RAB3IP: variants seen among roughly 807,000 people sequenced by gnomAD.
RAB3IP encodes the protein rab-3A-interacting protein.
A neutral mutation model predicts 59.1 loss-of-function variants in RAB3IP; 36 were observed. The observed-to-expected ratio is 0.61, with a 90% CI of 0.47 to 0.80. The LOEUF is 0.80. Ranked by LOEUF, RAB3IP falls within the 30% of genes least tolerant of loss-of-function variation. The pLI, the probability that RAB3IP is intolerant of heterozygous loss-of-function variation, is 0.00. For synonymous variants in RAB3IP, 207 were observed against 191.2 expected, an observed-to-expected ratio of 1.08 and a Z score of -0.68; for missense variants, 511 against 536.0, an observed-to-expected ratio of 0.95 and a Z score of 0.46.
chr12:69,738,648 G>A (rs993733101), upstream of RAB3IP: 2 of 151,846 alleles, frequency 1.3e-5, no homozygotes, highest in African/African-American at 4.8e-5. Context: ...GGCTCGCGCT[G>A]GTTCCCAGGG....
chr12:69,746,279 T>A (rs1333809228), intron 1 of RAB3IP, among the ~76,000 whole-genome samples: 1 of 152,188 alleles, frequency 6.6e-6, no homozygotes, highest in Non-Finnish European at 1.5e-5. Flanking sequence ...ACATTTTCTC[T>A]TTTAAAGAAG....
chr12:69,764,666 T>C (rs1386582937), intron 3 of RAB3IP, among the ~76,000 whole-genome samples: 1 of 152,226 alleles, frequency 6.6e-6, no homozygotes, highest in African/African-American at 2.4e-5. Flanking sequence ...CTTTTTTTTT[T>C]TTTAGTTCTG....
At chr12:69,785,558 G>A (rs981709563) in intron 4 of RAB3IP, among the ~76,000 whole-genome samples, 1 of 152,118 alleles carries the variant, frequency 6.6e-6, no homozygotes, top group Admixed American at 6.5e-5. Flanking sequence ...ACTGGGAAGA[G>A]CAAATGTTTC....
At chr12:69,770,501 G>C (rs1872937579) in intron 3 of RAB3IP, among the ~76,000 whole-genome samples, 1 of 152,044 alleles carries the variant, frequency 6.6e-6, no homozygotes, top group Non-Finnish European at 1.5e-5. Context: ...TTTGATCTGT[G>C]GTTTGGTGAA....
At chr12:69,791,038 A>C (rs1458552971) in intron 4 of RAB3IP, among the ~76,000 whole-genome samples, 1 of 152,204 alleles carries the variant, frequency 6.6e-6, no homozygotes, top group East Asian at 1.9e-4. Context: ...CAGAAATGAC[A>C]CATTTTTGGT....
At chr12:69,795,819 A>T (rs1159465155) in intron 6 of RAB3IP, 9 of 164,546 alleles carry the variant, frequency 5.5e-5, no homozygotes, top group Non-Finnish European at 1.0e-4. Flanking sequence ...AAATAGAAAT[A>T]ATGGTAGCCT....
intron 8 of RAB3IP, among the ~76,000 whole-genome samples, chr12:69,810,745 T>C (rs1046430353): frequency 6.6e-6 from 1 of 152,036 alleles, no homozygotes. Context: ...GAAGACTGAT[T>C]TGAAGTGATT....
intron 6 of RAB3IP, chr12:69,795,549 A>G (rs1565914387): frequency 5.0e-6 from 3 of 595,224 alleles, no homozygotes; most frequent in African/African-American, 1.9e-5. Flanking sequence ...TACCTGCTGG[A>G]AACTTGGTAA....
chr12:69,807,311 G>T (rs1354500056), intron 8 of RAB3IP, among the ~76,000 whole-genome samples: 3 of 146,996 alleles, frequency 2.0e-5, no homozygotes, highest in Admixed American at 1.3e-4. Flanking sequence ...CTCCCAGACG[G>T]GGCGGCCGGG....
At chr12:69,811,150 C>G (rs182778814) in intron 8 of RAB3IP, among the ~76,000 whole-genome samples, 1 of 152,140 alleles carries the variant, frequency 6.6e-6, no homozygotes, top group Non-Finnish European at 1.5e-5. Flanking sequence ...CCACATGCTG[C>G]CTGTTCTCCC....
chr12:69,791,788 C>T (rs553451416), intron 4 of RAB3IP, among the ~76,000 whole-genome samples: 8 of 152,254 alleles, frequency 5.3e-5, no homozygotes, highest in Admixed American at 2.0e-4. Flanking sequence ...ATAAAGCTAC[C>T]GCATGATCCA....
intron 1 of RAB3IP, among the ~76,000 whole-genome samples, chr12:69,744,220 G>C (rs545178424): frequency 6.6e-6 from 1 of 152,032 alleles, no homozygotes; most frequent in East Asian, 1.9e-4. Flanking sequence ...CCACTTATGA[G>C]TGAGAACATG....
At chr12:69,770,093 C>T (rs969172619) in intron 3 of RAB3IP, among the ~76,000 whole-genome samples, 1 of 152,000 alleles carries the variant, frequency 6.6e-6, no homozygotes. Flanking sequence ...AGAGAGTCTT[C>T]CTATAAGTTT....
intron 8 of RAB3IP, among the ~76,000 whole-genome samples, chr12:69,809,971 G>T (rs1397786581): frequency 6.6e-6 from 1 of 152,066 alleles, no homozygotes; most frequent in Admixed American, 6.5e-5. Flanking sequence ...GAGGAGAGGC[G>T]CTCTGATTTT....
chr12:69,806,049 T>C (rs1005476588), intron 8 of RAB3IP, among the ~76,000 whole-genome samples: 5 of 152,356 alleles, frequency 3.3e-5, no homozygotes, highest in Admixed American at 6.5e-5. Context: ...TTTCTATTTA[T>C]TGGAATAGTT....
intron 3 of RAB3IP, among the ~76,000 whole-genome samples, chr12:69,761,101 T>G (rs1198445154): frequency 6.6e-6 from 1 of 152,226 alleles, no homozygotes; most frequent in Non-Finnish European, 1.5e-5. Flanking sequence ...AATCTTTTTT[T>G]CCTCACTGTG....
chr12:69,750,287 C>A (rs1869034642), intron 1 of RAB3IP, among the ~76,000 whole-genome samples: 1 of 152,136 alleles, frequency 6.6e-6, no homozygotes, highest in Non-Finnish European at 1.5e-5. Context: ...CTTCCCATTC[C>A]CTTCCTCTCT....
intron 1 of RAB3IP, chr12:69,739,747 T>A: frequency 1.6e-6 from 2 of 1,289,056 alleles, no homozygotes; most frequent in South Asian, 2.4e-5. Context: ...CCTCCCAGCG[T>A]TGACAACTCG....
intron 3 of RAB3IP, among the ~76,000 whole-genome samples, chr12:69,761,488 G>A (rs915915717): frequency 1.3e-5 from 2 of 151,950 alleles, no homozygotes. Context: ...TCTAATCCCT[G>A]TTCCTCTATC....
Sources: gnomAD v4.1 joint callset for allele counts (sites outside exome capture counted in the v4.1 genomes callset) on GRCh38, gnomAD v4.1.1 for gene constraint, MANE v1.5 for transcripts, NCBI Gene and HGNC (gene_info 2026-07-23, HGNC 2026-07-21) for gene names.